The following CNTNAP2 variants were observed in gnomAD, a reference collection of about 807,000 sequenced individuals.
The protein encoded by CNTNAP2 is contactin associated protein 2.
Under a neutral mutation model 155.2 loss-of-function variants are expected in CNTNAP2, and 98 were observed. The ratio of observed to expected loss-of-function variants is 0.63; its 90% CI spans 0.54 to 0.75. The LOEUF (loss-of-function observed/expected upper bound fraction) is 0.75. Ranked by LOEUF, CNTNAP2 falls within the 30% of genes least tolerant of loss-of-function variation. The probability of loss-of-function intolerance (pLI) is 0.00; values close to 1 mark genes in which losing one functional copy is unlikely to be tolerated. For missense variants in CNTNAP2, 1,727 were observed against 1,688.1 expected (o/e 1.02, Z -0.40); for synonymous variants, 651 against 631.2 (o/e 1.03, Z -0.47).
chr7:147,099,596 C>T (rs887092083), intron 4 of CNTNAP2, among the ~76,000 whole-genome samples: 5 of 152,114 alleles, frequency 3.3e-5, no homozygotes, highest in Non-Finnish European at 7.4e-5. Context: ...CTATTTGTAA[C>T]TAAACTGCTA....
chr7:147,766,549 T>C (rs1302166268), intron 13 of CNTNAP2, among the ~76,000 whole-genome samples: 1 of 152,104 alleles, frequency 6.6e-6, no homozygotes, highest in South Asian at 2.1e-4. Context: ...GGGGTAGATA[T>C]TGAGTCTGAT....
chr7:147,969,791 A>C (rs1801298693), intron 14 of CNTNAP2, among the ~76,000 whole-genome samples: 1 of 152,130 alleles, frequency 6.6e-6, no homozygotes, highest in Non-Finnish European at 1.5e-5. Context: ...CATTAGATAC[A>C]CACTTTTAAC....
intron 3 of CNTNAP2, among the ~76,000 whole-genome samples, chr7:146,906,840 G>T (rs1257151944): frequency 1.3e-5 from 2 of 150,692 alleles, no homozygotes; most frequent in African/African-American, 2.4e-5. Flanking sequence ...GGCTTCAGAC[G>T]ATCAAATTAC....
In CNTNAP2 at chr7:147,045,287, T is replaced by C. The variant is rs536914752; in HGVS notation, c.550+1233T>C. ...AAGCAGAAAATTTCAAATGCCCCCG[T>C]TGGACAAGCTTTCTAAAATGCCCTA... On this transcript the variant is annotated intron_variant, in intron 4 of 23. Transcript: ENST00000361727. 3.9e-5 allele frequency among the ~76,000 whole-genome samples: 6 copies of C among 152,234 alleles called. No homozygotes were observed. In the Middle Eastern group the frequency reaches 0.01, roughly 259 times the overall value.
chr7:146,329,815 T>C (rs1801152327), intron 1 of CNTNAP2, among the ~76,000 whole-genome samples: 1 of 152,156 alleles, frequency 6.6e-6, no homozygotes, highest in Admixed American at 6.6e-5. Context: ...ACAACTGTGG[T>C]ACTGAATAGC....
At chr7:146,716,062 G>A (rs1395087216) in intron 1 of CNTNAP2, among the ~76,000 whole-genome samples, 1 of 152,034 alleles carries the variant, frequency 6.6e-6, no homozygotes, top group Non-Finnish European at 1.5e-5. Context: ...CTAAATTGAG[G>A]TACAACCAGA....
intron 20 of CNTNAP2, among the ~76,000 whole-genome samples, chr7:148,260,967 G>C (rs576265474): frequency 2.6e-5 from 4 of 152,156 alleles, no homozygotes; most frequent in African/African-American, 4.8e-5. Context: ...TAAAGACAAG[G>C]GTTATTTTAA....
chr7:147,520,104 G>C (rs1799206845), intron 11 of CNTNAP2, among the ~76,000 whole-genome samples: 1 of 152,146 alleles, frequency 6.6e-6, no homozygotes, highest in African/African-American at 2.4e-5. Flanking sequence ...AAAGAATCCA[G>C]TCGTTGTATT....
chr7:147,292,755 T>C (rs1805341888), intron 8 of CNTNAP2, among the ~76,000 whole-genome samples: 1 of 144,612 alleles, frequency 6.9e-6, no homozygotes, highest in African/African-American at 2.7e-5. Flanking sequence ...ATTAAATAAA[T>C]GAAGTGGTCA....
At chr7:146,626,114 T>G (rs956921440) in intron 1 of CNTNAP2, among the ~76,000 whole-genome samples, 11 of 152,150 alleles carry the variant, frequency 7.2e-5, no homozygotes, top group African/African-American at 2.4e-4. Flanking sequence ...GACTCACATT[T>G]GCACACACAC....
chr7:147,775,813 A>G (rs544363495), intron 13 of CNTNAP2, among the ~76,000 whole-genome samples: 20 of 152,270 alleles, frequency 1.3e-4, no homozygotes, highest in African/African-American at 3.6e-4. Flanking sequence ...CCTGGATCCT[A>G]TCTTTAAGGT....
At chr7:148,212,312 A>G (rs982461279) in intron 18 of CNTNAP2, among the ~76,000 whole-genome samples, 1 of 152,206 alleles carries the variant, frequency 6.6e-6, no homozygotes, top group Non-Finnish European at 1.5e-5. Context: ...GAGGACCAAG[A>G]AATAGTTAAG....
intron 11 of CNTNAP2, among the ~76,000 whole-genome samples, chr7:147,499,063 A>C (rs1005966463): frequency 2.0e-5 from 3 of 152,200 alleles, no homozygotes; most frequent in African/African-American, 7.2e-5. Flanking sequence ...TTTTTAAATG[A>C]GGAAGCCCAG....
rs759237270 is a variant in CNTNAP2, at chr7:148,023,437, A to C, written c.2383+45448A>C. The stretch of plus-strand genomic sequence containing the variant: ...TTCATCTGTTGTTTTGTTATAATGA[A>C]TCTCCATGTTTCTTTTTATTTCTGT... On this transcript the variant is annotated intron_variant, in intron 15 of 23. Coordinates refer to ENST00000361727, the MANE Select transcript of CNTNAP2 (RefSeq NM_014141.6). 5.3e-5 allele frequency among the ~76,000 whole-genome samples: 8 copies of C among 152,310 alleles called. 1 individual carries two copies. Among genetic ancestry groups the C allele is most frequent in the Middle Eastern group, 6.8e-3 (2 of 294 alleles).
At position 147,318,080 on chromosome 7, in the gene CNTNAP2, ACATGACAAG is replaced by A. The variant is rs560448524; in HGVS notation, c.1498+17793_1498+17801del. ...GTAGCCATTTGTAGGTATAAAACCA[ACATGACAAG>A]CACTTTTATAGTACTAAAAAATAAT... On this transcript the variant is annotated intron_variant, in intron 9 of 23. Coordinates refer to ENST00000361727, the MANE Select transcript of CNTNAP2 (RefSeq NM_014141.6). 1.6e-3 allele frequency among the ~76,000 whole-genome samples: 245 copies of A among 152,306 alleles called. 2 individuals are homozygous for A. Among genetic ancestry groups the A allele is most frequent in the African/African-American group, 5.5e-3 (227 of 41,572 alleles).
At chr7:147,367,297 T>A (rs1439405316) in intron 9 of CNTNAP2, among the ~76,000 whole-genome samples, 1 of 152,156 alleles carries the variant, frequency 6.6e-6, no homozygotes, top group Non-Finnish European at 1.5e-5. Context: ...CACCTCTACA[T>A]TGGCAGAGAA....
intron 4 of CNTNAP2, among the ~76,000 whole-genome samples, chr7:147,096,418 C>A (rs538747200): frequency 3.3e-5 from 5 of 152,234 alleles, no homozygotes; most frequent in Admixed American, 6.5e-5. Flanking sequence ...TTATCCACAA[C>A]ATATCCCAAA....
chr7:147,110,296 A>C (rs953432512), intron 5 of CNTNAP2, among the ~76,000 whole-genome samples: 2 of 152,130 alleles, frequency 1.3e-5, no homozygotes, highest in African/African-American at 4.8e-5. Flanking sequence ...TTAAAGCTAA[A>C]GTGAAGATCT....
chr7:146,728,483 G>A (rs932842569), intron 1 of CNTNAP2, among the ~76,000 whole-genome samples: 28 of 152,010 alleles, frequency 1.8e-4, no homozygotes, highest in African/African-American at 6.5e-4. Context: ...AGAAGTTACT[G>A]AAGATAATGG....
Sources: gnomAD v4.1 joint callset for allele counts (sites outside exome capture counted in the v4.1 genomes callset) on GRCh38, gnomAD v4.1.1 for gene constraint, MANE v1.5 for transcripts, NCBI Gene and HGNC (gene_info 2026-07-23, HGNC 2026-07-21) for gene names.